TBC1D22A: variants seen among roughly 807,000 people sequenced by gnomAD.
TBC1D22A encodes the protein TBC1 domain family member 22A.
Under a neutral mutation model 60.2 loss-of-function variants are expected in TBC1D22A, and 38 were observed. The ratio of observed to expected loss-of-function variants is 0.63; its 90% CI spans 0.49 to 0.83. The LOEUF (loss-of-function observed/expected upper bound fraction) is 0.83, where lower values mean the gene tolerates loss of function less well. Among genes scored for constraint, TBC1D22A ranks in the 40% least tolerant of loss-of-function variants. TBC1D22A has a pLI of 0.00. For synonymous variants in TBC1D22A, 302 were observed against 281.7 expected (o/e 1.07, Z -0.72); for missense variants, 628 against 701.0 (o/e 0.90, Z 1.18).
At chr22:46,949,995 T>C (rs981136641) in intron 8 of TBC1D22A, among the ~76,000 whole-genome samples, 1 of 152,204 alleles carries the variant, frequency 6.6e-6, no homozygotes, top group African/African-American at 2.4e-5. Flanking sequence ...TGGAGGGACA[T>C]TGGTTAACGT....
chr22:46,798,796 G>T (rs972218367), intron 4 of TBC1D22A, among the ~76,000 whole-genome samples: 4 of 152,240 alleles, frequency 2.6e-5, no homozygotes, highest in Admixed American at 6.5e-5. Flanking sequence ...AGTGGCGCAC[G>T]CGGATGGGCC....
At chr22:46,843,271 C>T (rs898739054) in intron 4 of TBC1D22A, among the ~76,000 whole-genome samples, 4 of 152,212 alleles carry the variant, frequency 2.6e-5, no homozygotes, top group Non-Finnish European at 1.5e-5. Context: ...AAACCACCAC[C>T]TGCACAGAGC....
rs535649721 is a variant in TBC1D22A, at chr22:46,900,507, C to T, written c.900+5661C>T. Reference sequence around the variant, plus strand: ...CCTAATATGTGATACAGAACATTTCCGTCACTCTGCGAGGTTCCCCATGTC... The same window carrying T: ...CCTAATATGTGATACAGAACATTTCTGTCACTCTGCGAGGTTCCCCATGTC... On this transcript the variant is annotated intron_variant, in intron 7 of 12. Coordinates refer to ENST00000337137, the MANE Select transcript of TBC1D22A (RefSeq NM_014346.5). 1.7e-4 allele frequency among the ~76,000 whole-genome samples: 26 copies of T among 152,240 alleles called. No homozygotes were observed. In the South Asian group the frequency reaches 3.3e-3, roughly 19 times the overall value.
At chr22:47,034,044 C>A (rs1253568966) in intron 10 of TBC1D22A, among the ~76,000 whole-genome samples, 1 of 152,228 alleles carries the variant, frequency 6.6e-6, no homozygotes, top group Non-Finnish European at 1.5e-5. Context: ...CTCGGCAGCA[C>A]CGTTTTGTTC....
Position 47,096,631 on chromosome 22 carries a change from G to A in TBC1D22A, c.1330-14877G>A, listed in dbSNP as rs566450105. Reference sequence around the variant, plus strand: ...GAGGCCAGGAGTTTGAGACCAGCCTGGCCAACATGGCAAAACCCCATCTCT... The same window carrying A: ...GAGGCCAGGAGTTTGAGACCAGCCTAGCCAACATGGCAAAACCCCATCTCT... On this transcript the variant is annotated intron_variant, in intron 11 of 12. Transcript: ENST00000337137. 2.6e-5 allele frequency among the ~76,000 whole-genome samples: 4 copies of A among 152,114 alleles called. No individual in the cohort carries two copies. The South Asian group carries it at 8.3e-4, about 31-fold the overall frequency.
chr22:47,046,268 C>T (rs2063029981), intron 11 of TBC1D22A, among the ~76,000 whole-genome samples: 1 of 152,142 alleles, frequency 6.6e-6, no homozygotes, highest in Non-Finnish European at 1.5e-5. Context: ...GTGGAGTGGT[C>T]CCTGCACCCC....
In TBC1D22A at chr22:46,941,325, G is replaced by A. The variant is rs952552976; in HGVS notation, c.1015+29137G>A. On this transcript the variant is annotated intron_variant, in intron 8 of 12. Transcript: ENST00000337137. ...CTACCCTTGAACAGCATGGGGACTG[G>A]GGCACTACAATATATATATATATAG... is the stretch of plus-strand genomic sequence containing the variant. Among the ~76,000 whole-genome samples the A allele has an allele frequency of 1.0e-3, 123 of 120,850 alleles. 3 individuals carry two copies. Among genetic ancestry groups the A allele is most frequent in the Admixed American group, 9.5e-3 (114 of 12,038 alleles). The allele number at this position is 120,850 out of a possible 152,430, so 79.3% of individuals were successfully genotyped here. A position where few individuals can be genotyped will look rare whatever the true frequency, so the allele number is the denominator to read the frequency against.
At chr22:47,083,296 G>A (rs1285396990) in intron 11 of TBC1D22A, among the ~76,000 whole-genome samples, 7 of 151,096 alleles carry the variant, frequency 4.6e-5, no homozygotes, top group South Asian at 2.1e-4. Context: ...TTATACATCC[G>A]AAAAAAACTA....
chr22:47,058,500 C>A (rs959633643), intron 11 of TBC1D22A, among the ~76,000 whole-genome samples: 1 of 152,174 alleles, frequency 6.6e-6, no homozygotes, highest in African/African-American at 2.4e-5. Context: ...AGCATTAGAG[C>A]CCTCCTTCCC....
In TBC1D22A at chr22:47,149,026, G is replaced by A. The variant is rs1186711362; in HGVS notation, c.1426-24472G>A. On this transcript the variant is annotated intron_variant, in intron 12 of 12. Coordinates refer to ENST00000337137, the MANE Select transcript of TBC1D22A (RefSeq NM_014346.5). ...CTTCATGCAGGTTATGGGTGTGAGTGGACGAGTAGGCAGAGATAAGGGAGA... is the reference window on the plus strand; with the variant it reads ...CTTCATGCAGGTTATGGGTGTGAGTAGACGAGTAGGCAGAGATAAGGGAGA... 2.0e-5 allele frequency among the ~76,000 whole-genome samples: 3 copies of A among 151,090 alleles called. No individual in the cohort carries two copies. In the East Asian group the frequency reaches 5.8e-4, roughly 29 times the overall value.
intron 12 of TBC1D22A, among the ~76,000 whole-genome samples, chr22:47,171,048 G>T (rs111647196): frequency 1.7e-3 from 254 of 152,268 alleles, no homozygotes; most frequent in Admixed American, 4.0e-3. Context: ...CAGGTCATCT[G>T]TCCAGGCTCT....
intron 1 of TBC1D22A, chr22:46,789,465 T>G (rs1185728427): frequency 2.7e-6 from 1 of 375,886 alleles, no homozygotes; most frequent in African/African-American, 2.2e-5. Context: ...GTTGAAGTTT[T>G]GCTTTTGTGA....
rs117996894 is a variant in TBC1D22A at position 46,837,556 on chromosome 22, C to G, written c.637+39936C>G. The stretch of plus-strand genomic sequence containing the variant: ...AATAATATCAAGAATCTTGATATCA[C>G]ACAATGGTGTGATACTAGAAATAAA... On this transcript the variant is annotated intron_variant, in intron 4 of 12. Coordinates refer to ENST00000337137, the MANE Select transcript of TBC1D22A (RefSeq NM_014346.5). 4.7e-4 allele frequency among the ~76,000 whole-genome samples: 71 copies of G among 152,224 alleles called. 1 individual carries two copies. In the East Asian group the frequency reaches 0.013, roughly 28 times the overall value.
At chr22:47,140,356 G>A (rs1392107211) in intron 12 of TBC1D22A, among the ~76,000 whole-genome samples, 1 of 151,646 alleles carries the variant, frequency 6.6e-6, no homozygotes, top group African/African-American at 2.4e-5. Context: ...CGGATCACGA[G>A]GTCAGGAGAT....
chr22:47,038,782 A>G (rs1267060095), intron 11 of TBC1D22A, among the ~76,000 whole-genome samples: 1 of 152,162 alleles, frequency 6.6e-6, no homozygotes, highest in Non-Finnish European at 1.5e-5. Context: ...GCAGACTGTC[A>G]TTCGTGTCCG....
At chr22:47,101,070 G>A (rs2065396351) in intron 11 of TBC1D22A, among the ~76,000 whole-genome samples, 1 of 152,156 alleles carries the variant, frequency 6.6e-6, no homozygotes, top group South Asian at 2.1e-4. Flanking sequence ...CTTCAGTGTG[G>A]CCCCAGCAGA....
At chr22:46,800,289 A>G (rs1404495673) in intron 4 of TBC1D22A, among the ~76,000 whole-genome samples, 4 of 152,142 alleles carry the variant, frequency 2.6e-5, no homozygotes, top group Non-Finnish European at 5.9e-5. Context: ...GCGAGAAGGC[A>G]GTGTGGGGGA....
chr22:47,077,908 C>T lies in TBC1D22A; in HGVS notation c.1330-33600C>T, dbSNP rs893964273. 2.6e-4 allele frequency among the ~76,000 whole-genome samples: 39 copies of T among 152,254 alleles called. 1 individual carries two copies. Among genetic ancestry groups the T allele is most frequent in the Admixed American group, 1.3e-3 (20 of 15,286 alleles). On this transcript the variant is annotated intron_variant, in intron 11 of 12. Transcript: ENST00000337137. ...AAGGATTTGCACAGAACTTGGCCCA[C>T]AGTCTGTACTCAGTACCTCACGGTT...
chr22:47,069,605 G>C (rs561744760), intron 11 of TBC1D22A, among the ~76,000 whole-genome samples: 2 of 152,098 alleles, frequency 1.3e-5, no homozygotes, highest in South Asian at 4.2e-4. Context: ...GTTCCAGGCT[G>C]TTCCCTGTTG....
Sources: gnomAD v4.1 joint callset for allele counts (sites outside exome capture counted in the v4.1 genomes callset) on GRCh38, gnomAD v4.1.1 for gene constraint, MANE v1.5 for transcripts, NCBI Gene and HGNC (gene_info 2026-07-23, HGNC 2026-07-21) for gene names.